Variants in PRH1 observed in about 807,000 individuals in gnomAD.
PRH1 encodes salivary acidic proline-rich phosphoprotein 1/2.
PRH1 carries 7 observed loss-of-function variants against 7.9 expected under a neutral mutation model. The ratio of observed to expected loss-of-function variants is 0.89; its 90% CI spans 0.50 to 1.67. The LOEUF is 1.67. Among genes scored for constraint, PRH1 ranks in the 40% most tolerant of loss-of-function variants. PRH1 has a pLI of 0.00. For synonymous variants in PRH1, 45 were observed against 80.8 expected, an observed-to-expected ratio of 0.56 and a Z score of 2.38; for missense variants, 109 against 223.6, an observed-to-expected ratio of 0.49 and a Z score of 3.27.
chr12:10,886,404 A>G (rs1949492670), upstream of PRH1, among the ~76,000 whole-genome samples: 1 of 152,238 alleles, frequency 6.6e-6, no homozygotes, highest in Admixed American at 6.5e-5. Context: ...AAATCCTCCT[A>G]AAGGTCACTC....
intron 1 of PRH1, among the ~76,000 whole-genome samples, chr12:11,169,379 G>T (rs1947739474): frequency 6.6e-6 from 1 of 152,186 alleles, no homozygotes. Context: ...TTCAGCTCTA[G>T]AGCATTAAGG....
intron 1 of PRH1, among the ~76,000 whole-genome samples, chr12:11,046,302 G>C (rs1353173404): frequency 6.6e-6 from 1 of 152,120 alleles, no homozygotes; most frequent in African/African-American, 2.4e-5. Flanking sequence ...GATGATAACT[G>C]AAATCTCAAT....
chr12:11,064,658 T>C (rs1314582948), intron 1 of PRH1, among the ~76,000 whole-genome samples: 1 of 152,186 alleles, frequency 6.6e-6, no homozygotes, highest in Non-Finnish European at 1.5e-5. Flanking sequence ...AATTATATAA[T>C]TACCCCAACA....
chr12:11,159,751 T>G (rs1171740934), intron 1 of PRH1: 1 of 152,246 alleles, frequency 6.6e-6, no homozygotes, highest in African/African-American at 2.4e-5. Flanking sequence ...GTCAAACAGT[T>G]GCAGATGGGC....
rs544630132 is a variant in PRH1 at position 11,007,657 on chromosome 12, A to T, written c.-125-33936T>A. Among the ~76,000 whole-genome samples the T allele has an allele frequency of 2.6e-5, 4 of 152,142 alleles. No individual in the cohort carries two copies. In the South Asian group the frequency reaches 8.3e-4, roughly 32 times the overall value. ...GAGCTCACTCATGTAATTTGCTTTG[A>T]TGAACTGGAAATTAGTAAATTTTGT... On this transcript the variant is annotated intron_variant, in intron 1 of 3. Coordinates refer to the PRH1 transcript ENST00000539853.
intron 1 of PRH1, chr12:11,171,105 C>T (rs1250541177): frequency 2.6e-6 from 1 of 386,514 alleles, no homozygotes; most frequent in Non-Finnish European, 4.6e-6. Context: ...ACATCCTATT[C>T]CAGAGCCACC....
intron 1 of PRH1, among the ~76,000 whole-genome samples, chr12:11,072,011 T>C (rs1443860853): frequency 1.3e-5 from 2 of 152,164 alleles, no homozygotes; most frequent in African/African-American, 2.4e-5. Context: ...GCCTCACTCT[T>C]TTTAACTGGA....
At chr12:10,886,235 G>T (rs1301891253), upstream of PRH1, among the ~76,000 whole-genome samples, 1 of 152,154 alleles carries the variant, frequency 6.6e-6, no homozygotes, top group Non-Finnish European at 1.5e-5. Flanking sequence ...CTGCCTCGGT[G>T]ACTTCAGGTC....
intron 2 of PRH1, among the ~76,000 whole-genome samples, chr12:10,934,629 A>C (rs1218375101): frequency 1.3e-5 from 2 of 152,074 alleles, no homozygotes; most frequent in Non-Finnish European, 2.9e-5. Context: ...TTAAAAAAAA[A>C]ACTATAGGCT....
At chr12:10,958,947 G>A (rs535584140) in intron 2 of PRH1, among the ~76,000 whole-genome samples, 2 of 152,152 alleles carry the variant, frequency 1.3e-5, no homozygotes, top group African/African-American at 4.8e-5. Flanking sequence ...GTTCTCTCTG[G>A]CTGCCACCTT....
upstream of PRH1, among the ~76,000 whole-genome samples, chr12:11,047,702 T>C (rs114822039): frequency 0.012 from 1,716 of 146,154 alleles, 42 homozygotes; most frequent in African/African-American, 0.04. Flanking sequence ...CAGTTTTTGG[T>C]ATACACATAC....
intron 1 of PRH1, among the ~76,000 whole-genome samples, chr12:11,014,387 T>C (rs1362540011): frequency 1.3e-5 from 2 of 152,158 alleles, no homozygotes; most frequent in Non-Finnish European, 2.9e-5. Flanking sequence ...TAATAGAGCA[T>C]GCAACATGAT....
intron 1 of PRH1, among the ~76,000 whole-genome samples, chr12:11,150,639 G>T (rs1315506774): frequency 1.3e-5 from 2 of 152,046 alleles, no homozygotes; most frequent in Admixed American, 6.6e-5. Flanking sequence ...ATGGACACAG[G>T]AAGGGGAACA....
chr12:10,930,277 C>A (rs747874687), intron 2 of PRH1: 4 of 1,613,070 alleles, frequency 2.5e-6, no homozygotes, highest in African/African-American at 1.3e-5. Context: ...AGATGTCAGC[C>A]AAGAAGACGT....
intron 1 of PRH1, among the ~76,000 whole-genome samples, chr12:11,023,594 C>CTACT (rs1941764445): frequency 6.6e-6 from 1 of 152,208 alleles, no homozygotes; most frequent in African/African-American, 2.4e-5. Flanking sequence ...TTGCTTCAGT[C>CTACT]AACAGGAAAT....
upstream of PRH1, among the ~76,000 whole-genome samples, chr12:10,887,413 A>G (rs1407116735): frequency 1.3e-5 from 2 of 152,204 alleles, no homozygotes; most frequent in Admixed American, 1.3e-4. Flanking sequence ...TTGTCTAAAA[A>G]GTTTGGTGAC....
intron 1 of PRH1, among the ~76,000 whole-genome samples, chr12:11,150,444 G>A (rs890780896): frequency 8.5e-5 from 13 of 152,192 alleles, no homozygotes; most frequent in Admixed American, 7.2e-4. Flanking sequence ...TGATAGACTG[G>A]ATTAAGAAAA....
upstream of PRH1, among the ~76,000 whole-genome samples, chr12:10,886,294 G>T (rs1037956008): frequency 6.6e-6 from 1 of 152,178 alleles, no homozygotes; most frequent in African/African-American, 2.4e-5. Context: ...AAAGAGGAGT[G>T]CCAGGCAGAT....
chr12:10,921,934 T>C (rs1380383866), intron 2 of PRH1, among the ~76,000 whole-genome samples: 4 of 152,104 alleles, frequency 2.6e-5, no homozygotes, highest in African/African-American at 9.7e-5. Context: ...ACCCGGCTAA[T>C]TTTTGTATTG....
Sources: gnomAD v4.1 joint callset for allele counts (sites outside exome capture counted in the v4.1 genomes callset) on GRCh38, gnomAD v4.1.1 for gene constraint, MANE v1.5 for transcripts, NCBI Gene and HGNC (gene_info 2026-07-23, HGNC 2026-07-21) for gene names.